KDM2B: variants seen among roughly 807,000 people sequenced by gnomAD.
KDM2B encodes lysine-specific demethylase 2B.
KDM2B carries 26 observed loss-of-function variants against 150.0 expected under a neutral mutation model. That is an observed-to-expected ratio of 0.17 (90% CI 0.13 to 0.24). The LOEUF (loss-of-function observed/expected upper bound fraction) is 0.24. KDM2B is among the 10% of genes least tolerant of loss of function. KDM2B has a pLI of 1.00. For synonymous variants in KDM2B, 734 were observed against 729.5 expected (o/e 1.01, Z -0.10); for missense variants, 1,265 against 1,816.9 (o/e 0.70, Z 5.52).
At chr12:121,559,330 T>A (rs1416442495) in intron 4 of KDM2B, among the ~76,000 whole-genome samples, 4 of 141,364 alleles carry the variant, frequency 2.8e-5, no homozygotes, top group African/African-American at 7.6e-5. Context: ...AAGCTGGACT[T>A]CCAGGTCTAT....
intron 13 of KDM2B, among the ~76,000 whole-genome samples, chr12:121,446,239 C>CA (rs797034330): frequency 6.6e-6 from 1 of 152,102 alleles, no homozygotes; most frequent in Non-Finnish European, 1.5e-5. Flanking sequence ...ACTAAAAATA[C>CA]AAAAAGAAAT....
chr12:121,477,348 G>A (rs1285056643), intron 12 of KDM2B, among the ~76,000 whole-genome samples: 2 of 151,842 alleles, frequency 1.3e-5, no homozygotes, highest in East Asian at 1.9e-4. Context: ...TACCATACCT[G>A]GCCTGGCCCC....
chr12:121,430,139 T>C lies in KDM2B; in HGVS notation c.*149A>G, dbSNP rs782751790. ...GCTCACTCATCCCCCAAACGGGTGG[T>C]TGAACAGCTTCTCCCTTGGAAAGAC... On this transcript the variant is annotated 3_prime_UTR_variant, in exon 23 of 23. Transcript: ENST00000377071. The surrounding 1 kb of genome is among the most constrained non-coding windows in gnomAD (Gnocchi z 4.4). 6.2e-6 allele frequency: 10 copies of C among 1,614,106 alleles called. No homozygotes were observed. Among genetic ancestry groups the C allele is most frequent in the Admixed American group, 5.0e-5 (3 of 60,024 alleles).
upstream of KDM2B, among the ~76,000 whole-genome samples, chr12:121,581,667 T>C (rs963332888): frequency 6.6e-6 from 1 of 152,218 alleles, no homozygotes; most frequent in Non-Finnish European, 1.5e-5. Flanking sequence ...GACATTTTAT[T>C]TCTGCCATAA....
At chr12:121,418,169 G>C in the KDM2B span, 6 of 467,288 alleles carry the variant, frequency 1.3e-5, no homozygotes, top group South Asian at 1.4e-4. Flanking sequence ...TAATTTCTCT[G>C]TCTTACACAG....
chr12:121,420,480 G>A, the KDM2B span: 5 of 1,572,648 alleles, frequency 3.2e-6, no homozygotes, highest in Non-Finnish European at 4.4e-6. Flanking sequence ...TAGGACTGCT[G>A]AGATGGCTGG....
chr12:121,464,532 C>T (rs992313973), intron 12 of KDM2B, among the ~76,000 whole-genome samples: 2 of 152,210 alleles, frequency 1.3e-5, no homozygotes, highest in African/African-American at 4.8e-5. Flanking sequence ...CAGCGCAGCA[C>T]GACAGGTCTC....
At position 121,518,509 on chromosome 12, in the gene KDM2B, A is replaced by G. The variant is rs372973586; in HGVS notation, c.1047+2476T>C. On this transcript the variant is annotated intron_variant, in intron 9 of 22. Coordinates refer to ENST00000377071, the MANE Select transcript of KDM2B (RefSeq NM_032590.5). This position sits in a 1 kb window ranked among gnomAD's most constrained non-coding sequence, Gnocchi z 4.4. ...GTGCCCACTCAGGGGAAGGGACAGT[A>G]GGCCCCGGTGGGGGAGGGGACCTGC... Among the ~76,000 whole-genome samples the G allele has an allele frequency of 8.1e-4, 123 of 152,288 alleles. No individual in the cohort carries two copies. In the South Asian group the frequency reaches 0.019, roughly 24 times the overall value.
upstream of KDM2B, chr12:121,581,281 G>C (rs1190191491): frequency 5.3e-6 from 1 of 188,106 alleles, no homozygotes; most frequent in Middle Eastern, 2.1e-3. Flanking sequence ...CTTGTTGGTA[G>C]TTTATAGAAG....
At chr12:121,421,181 A>G in the KDM2B span, among the ~76,000 whole-genome samples, 28 of 152,050 alleles carry the variant, frequency 1.8e-4, no homozygotes, top group Admixed American at 6.6e-5. Flanking sequence ...CAGATGTTAC[A>G]TAGTTCTTAG....
chr12:121,534,252 G>A (rs1341656083), intron 7 of KDM2B, among the ~76,000 whole-genome samples: 1 of 152,048 alleles, frequency 6.6e-6, no homozygotes, highest in African/African-American at 2.4e-5. Flanking sequence ...AGGAGGCTGA[G>A]GCAGGAGAAT....
At chr12:121,540,840 T>C (rs539105276) in intron 6 of KDM2B, among the ~76,000 whole-genome samples, 1 of 148,508 alleles carries the variant, frequency 6.7e-6, no homozygotes, top group African/African-American at 2.5e-5. Flanking sequence ...CTGTGAACAC[T>C]CTTCCACATC....
intron 12 of KDM2B, among the ~76,000 whole-genome samples, chr12:121,463,239 C>T (rs1555294075): frequency 6.6e-6 from 1 of 151,994 alleles, no homozygotes; most frequent in African/African-American, 2.4e-5. Flanking sequence ...TCGCTTGAAC[C>T]CAGGAAGCAG....
chr12:121,454,266 A>C (rs782627011), intron 12 of KDM2B, among the ~76,000 whole-genome samples: 5 of 152,158 alleles, frequency 3.3e-5, no homozygotes, highest in Non-Finnish European at 7.4e-5. Context: ...TGGCATGCAG[A>C]ATGCACTCAA....
intron 6 of KDM2B, among the ~76,000 whole-genome samples, chr12:121,539,737 TTGTTTGTC>T (rs1365700527): frequency 1.3e-5 from 2 of 151,966 alleles, no homozygotes; most frequent in African/African-American, 4.8e-5. Context: ...GTTTGTTTGT[TTGTTTGTC>T]TGTTTGTTTT....
intron 12 of KDM2B, among the ~76,000 whole-genome samples, chr12:121,482,175 G>C (rs527816191): frequency 2.4e-4 from 37 of 152,232 alleles, no homozygotes; most frequent in Admixed American, 8.5e-4. Context: ...TATGTCAGGT[G>C]AACGTAGTCT....
intron 12 of KDM2B, among the ~76,000 whole-genome samples, chr12:121,475,182 CTGTGTGTGTGTGTGTGTGTG>C (rs60083867): frequency 0.017 from 2,354 of 139,760 alleles, 61 homozygotes; most frequent in African/African-American, 0.059. Context: ...ACACATGACT[CTGTGTGTGTGTGTGTGTGTG>C]TGTGTGTGTG....
intron 1 of KDM2B, chr12:121,579,759 C>T (rs1891806117): frequency 1.4e-6 from 2 of 1,417,494 alleles, no homozygotes; most frequent in South Asian, 1.3e-5. Context: ...AACCCCGAGC[C>T]CGCTCAGCCC....
At chr12:121,473,362 G>A (rs1275972050) in intron 12 of KDM2B, among the ~76,000 whole-genome samples, 2 of 143,664 alleles carry the variant, frequency 1.4e-5, no homozygotes, top group East Asian at 2.1e-4. Flanking sequence ...ACTGCACTCC[G>A]CCTGGGTGAC....
Sources: gnomAD v4.1 joint callset for allele counts (sites outside exome capture counted in the v4.1 genomes callset) on GRCh38, gnomAD v4.1.1 for gene constraint, Gnocchi (gnomAD v3.1) non-coding constraint, MANE v1.5 for transcripts, NCBI Gene and HGNC (gene_info 2026-07-23, HGNC 2026-07-21) for gene names.